Variants in MSH3 observed in about 807,000 individuals in gnomAD.
MSH3 encodes DNA mismatch repair protein Msh3.
A neutral mutation model predicts 123.3 loss-of-function variants in MSH3; 106 were observed. The ratio of observed to expected loss-of-function variants is 0.86; its 90% CI spans 0.73 to 1.01. The LOEUF is 1.01. MSH3 is among the 50% of genes least tolerant of loss of function. The pLI is 0.00. For missense variants in MSH3, 1,459 were observed against 1,347.6 expected (o/e 1.08, Z -1.29); for synonymous variants, 515 against 481.4 (o/e 1.07, Z -0.91).
At position 80,713,278 on chromosome 5, in the gene MSH3, T is replaced by G. The variant is rs112753459; in HGVS notation, c.1341-12175T>G. Among the ~76,000 whole-genome samples, 557 of 152,344 alleles carry G rather than the reference T, an allele frequency of 3.7e-3. 2 individuals are homozygous for G. Among genetic ancestry groups the G allele is most frequent in the African/African-American group, 0.013 (532 of 41,568 alleles). On this transcript the variant is annotated intron_variant, in intron 8 of 23. Coordinates refer to ENST00000265081, the MANE Select transcript of MSH3 (RefSeq NM_002439.5). ...TATTATTGGTTCTGAAGTTCCCTTG[T>G]TTTAATGTGGGCTCAACACTTGCTG...
At chr5:80,733,561 G>A (rs1743450211) in intron 10 of MSH3, among the ~76,000 whole-genome samples, 1 of 151,352 alleles carries the variant, frequency 6.6e-6, no homozygotes, top group East Asian at 1.9e-4. Context: ...AAGAATTTTT[G>A]TAAATCATAT....
chr5:80,801,090 G>A (rs1744782074), intron 19 of MSH3, among the ~76,000 whole-genome samples: 1 of 152,302 alleles, frequency 6.6e-6, no homozygotes, highest in Non-Finnish European at 1.5e-5. Context: ...CATGGTGGAG[G>A]GTGGTAGAAG....
intron 16 of MSH3, among the ~76,000 whole-genome samples, chr5:80,776,925 TATA>T (rs1324806631): frequency 2.4e-5 from 3 of 126,470 alleles, no homozygotes; most frequent in African/African-American, 9.8e-5. Context: ...TATATATATA[TATA>T]TTTTTTTTTT....
At chr5:80,737,002 T>A (rs909197858) in intron 10 of MSH3, among the ~76,000 whole-genome samples, 1 of 152,244 alleles carries the variant, frequency 6.6e-6, no homozygotes, top group African/African-American at 2.4e-5. Flanking sequence ...AGTGGTCTTG[T>A]AGACTCAACA....
chr5:80,828,683 G>A (rs1376241912), intron 20 of MSH3, among the ~76,000 whole-genome samples: 5 of 152,202 alleles, frequency 3.3e-5, no homozygotes. Flanking sequence ...ACAGGTGTAA[G>A]ACATTCTCAT....
At chr5:80,809,240 A>G (rs1177221306) in intron 19 of MSH3, among the ~76,000 whole-genome samples, 1 of 152,156 alleles carries the variant, frequency 6.6e-6, no homozygotes, top group African/African-American at 2.4e-5. Context: ...TGAGAAAATG[A>G]AATGTATTTA....
chr5:80,813,597 G>C lies in MSH3; in HGVS notation c.2669G>C (p.Arg890Thr). 6.2e-7 allele frequency: 1 copy of C among 1,614,118 alleles called. No individual in the cohort carries two copies. Among genetic ancestry groups the C allele is most frequent in the Non-Finnish European group, 8.5e-7 (1 of 1,179,992 alleles). The stretch of plus-strand genomic sequence containing the variant: ...TCTAATTTTCAGGAGGACTCAGAGA[G>C]AGTAATGATAATTACCGGACCAAAC... ...NNTDLSEDSE[R>T]VMIITGPNMG... Residue 890 changes from arginine (R) to threonine (T), a missense_variant, in exon 20 of 24, where the codon AGA becomes ACA. Transcript: ENST00000265081.
rs201874762 is a variant in MSH3, at chr5:80,654,880, TGCAGCGGCTGCAGCGGCC to T, written c.162_179del (p.Ala57_Ala62del). On this transcript the variant is annotated inframe_deletion, in exon 1 of 24. Coordinates refer to ENST00000265081, the MANE Select transcript of MSH3 (RefSeq NM_002439.5). ...CAGCCGACCAGGTGGACCCTGGCGC[TGCAGCGGCTGCAGCGGCC>T]GCAGCGGCCGCAGCGCCCCCAGCGC... The T allele has an allele frequency of 0.27, 415,939 of 1,525,356 alleles. 60,861 individuals carry two copies. The highest frequency in any genetic ancestry group is 0.43 in the Middle Eastern group (2,534 of 5,838). The allele number at this position is 1,525,356 out of a possible 1,614,324, so 94.5% of individuals were successfully genotyped here.
At chr5:80,770,724 C>G (rs1164720757) in intron 15 of MSH3, among the ~76,000 whole-genome samples, 2 of 152,130 alleles carry the variant, frequency 1.3e-5, no homozygotes, top group Admixed American at 6.6e-5. Flanking sequence ...CAAAGATTCT[C>G]AACACCATGG....
At chr5:80,692,497 TAG>T (rs1462352678) in intron 8 of MSH3, among the ~76,000 whole-genome samples, 36 of 80,970 alleles carry the variant, frequency 4.4e-4, no homozygotes, top group East Asian at 2.7e-3. Flanking sequence ...TGTATATGTT[TAG>T]ATAGATAAAC....
Position 80,875,934 on chromosome 5 carries a change from A to T in MSH3, c.*72A>T. Reference sequence around the variant, plus strand: ...AACTGTACAAAATAACTCTCCAGTAACAGCCTATCTTTGTGTGACATGTGA... The same window carrying T: ...AACTGTACAAAATAACTCTCCAGTATCAGCCTATCTTTGTGTGACATGTGA... On this transcript the variant is annotated 3_prime_UTR_variant, in exon 24 of 24. Coordinates refer to ENST00000265081, the MANE Select transcript of MSH3 (RefSeq NM_002439.5). The T allele has an allele frequency of 1.1e-6, 1 of 891,026 alleles. No homozygotes were observed. Among genetic ancestry groups the T allele is most frequent in the Non-Finnish European group, 1.9e-6 (1 of 539,546 alleles). The allele number at this position is 891,026 out of a possible 1,614,324, so 55.2% of individuals were successfully genotyped here. A position where few individuals can be genotyped will look rare whatever the true frequency, so the allele number is the denominator to read the frequency against.
rs925003900 is a variant in MSH3 at position 80,744,595 on chromosome 5, C to T, written c.1743C>T (p.Thr581=). 31 of 1,610,634 alleles carry T rather than the reference C, an allele frequency of 1.9e-5. No homozygotes were observed. Among genetic ancestry groups the T allele is most frequent in the East Asian group, 8.9e-5 (4 of 44,808 alleles). ...GACGGAAGTTAAAGAAGTGGGTGAC[C>T]CAGCCACTCCTTAAATTAAGGTAAA... ...FGRRKLKKWV[T]QPLLKLREIN... The change falls in exon 12 of 24, where the codon ACC becomes ACT. Residue 581 remains threonine (T), a synonymous_variant. Coordinates refer to ENST00000265081, the MANE Select transcript of MSH3 (RefSeq NM_002439.5).
intron 8 of MSH3, among the ~76,000 whole-genome samples, chr5:80,691,968 T>G (rs924420759): frequency 1.3e-5 from 1 of 79,082 alleles, no homozygotes; most frequent in African/African-American, 6.0e-5. Context: ...CATGTATATG[T>G]TTATATAGAT....
At chr5:80,773,281 C>T (rs1461780956) in intron 15 of MSH3, among the ~76,000 whole-genome samples, 1 of 152,186 alleles carries the variant, frequency 6.6e-6, no homozygotes, top group African/African-American at 2.4e-5. Context: ...CACTCTAAAA[C>T]AGCAGAATTA....
chr5:80,793,976 G>A (rs1744652013), intron 19 of MSH3, among the ~76,000 whole-genome samples: 1 of 152,114 alleles, frequency 6.6e-6, no homozygotes, highest in Admixed American at 6.6e-5. Context: ...ATAGATGACT[G>A]GGTGTTTTAA....
At chr5:80,843,283 A>G (rs916582405) in intron 20 of MSH3, among the ~76,000 whole-genome samples, 1 of 152,092 alleles carries the variant, frequency 6.6e-6, no homozygotes, top group African/African-American at 2.4e-5. Context: ...AAGCTTTTTG[A>G]TGTGCTGCTG....
At chr5:80,681,816 G>A (rs768925884) in intron 8 of MSH3, among the ~76,000 whole-genome samples, 1 of 151,972 alleles carries the variant, frequency 6.6e-6, no homozygotes, top group Non-Finnish European at 1.5e-5. Flanking sequence ...TGTTTGTCAA[G>A]CAGCATTCAT....
intron 20 of MSH3, among the ~76,000 whole-genome samples, chr5:80,846,135 G>A (rs1188061553): frequency 1.3e-5 from 2 of 152,162 alleles, no homozygotes; most frequent in African/African-American, 4.8e-5. Flanking sequence ...CTTTCTGTTT[G>A]TTAATTTTCC....
intron 20 of MSH3, among the ~76,000 whole-genome samples, chr5:80,838,316 C>A (rs1202119156): frequency 6.6e-6 from 1 of 151,872 alleles, no homozygotes; most frequent in Non-Finnish European, 1.5e-5. Flanking sequence ...TAGACTCTGG[C>A]GTCAGACCGA....
Sources: gnomAD v4.1 joint callset for allele counts (sites outside exome capture counted in the v4.1 genomes callset) on GRCh38, gnomAD v4.1.1 for gene constraint, MANE v1.5 for transcripts, NCBI Gene and HGNC (gene_info 2026-07-23, HGNC 2026-07-21) for gene names.